Variants in FBH1 observed in about 807,000 individuals in gnomAD.
The protein encoded by FBH1 is DNA 3'-5' helicase 1.
FBH1 carries 43 observed loss-of-function variants against 115.5 expected under a neutral mutation model. The ratio of observed to expected loss-of-function variants is 0.37; its 90% CI spans 0.29 to 0.48. The LOEUF (loss-of-function observed/expected upper bound fraction) is 0.48, where lower values mean the gene tolerates loss of function less well. Ranked by LOEUF, FBH1 falls within the 20% of genes least tolerant of loss-of-function variation. The probability of loss-of-function intolerance (pLI) is 0.99; values close to 1 mark genes in which losing one functional copy is unlikely to be tolerated. For synonymous variants in FBH1, 524 were observed against 507.8 expected (o/e 1.03, Z -0.43); for missense variants, 1,001 against 1,337.3 (o/e 0.75, Z 3.92).
Position 5,900,871 on chromosome 10 carries a change from C to T in FBH1, c.2-2149C>T, listed in dbSNP as rs1437243566. ...CAGCACTTTGGGAGGCCGAGGTGGA[C>T]GGATCACTTGAGGCCAGGAGTTCGA... is the stretch of plus-strand genomic sequence containing the variant. On this transcript the variant is annotated intron_variant, in intron 1 of 20. Transcript: ENST00000362091. The surrounding 1 kb of genome is among the most constrained non-coding windows in gnomAD (Gnocchi z 4.2). 3.9e-5 allele frequency among the ~76,000 whole-genome samples: 6 copies of T among 152,016 alleles called. No individual in the cohort carries two copies. The highest frequency in any genetic ancestry group is 6.6e-5 in the Admixed American group (1 of 15,266).
At position 5,935,781 on chromosome 10, in the gene FBH1, A is replaced by C. The variant is rs189203549; in HGVS notation, c.2830-675A>C. 1.3e-5 allele frequency: 2 copies of C among 152,478 alleles called. No individual in the cohort carries two copies. Among genetic ancestry groups the C allele is most frequent in the East Asian group, 3.9e-4 (2 of 5,188 alleles). 9.4% of individuals were successfully genotyped at this position (152,478 alleles called of 1,614,324 possible). A position where few individuals can be genotyped will look rare whatever the true frequency, so the allele number is the denominator to read the frequency against. On this transcript the variant is annotated intron_variant, in intron 19 of 20. Coordinates refer to ENST00000362091, the MANE Select transcript of FBH1 (RefSeq NM_178150.3). This position sits in a 1 kb window ranked among gnomAD's most constrained non-coding sequence, Gnocchi z 5.2. ...AGCAGATGTGTGCGGTCCTGCTAGC[A>C]TATCAGTCTGTGATGTGGAGCCCCA...
In FBH1 at chr10:5,935,120, T is replaced by C. The variant is rs559205132; in HGVS notation, c.2830-1336T>C. ...GTGAAACTTTTCTTCCATGTGTGTT[T>C]CTTACATATGTGCGTATGTATAGCA... On this transcript the variant is annotated intron_variant, in intron 19 of 20. Transcript: ENST00000362091. This position sits in a 1 kb window ranked among gnomAD's most constrained non-coding sequence, Gnocchi z 5.2. The C allele has an allele frequency of 2.8e-4, 43 of 152,370 alleles. No homozygotes were observed. The highest frequency in any genetic ancestry group is 2.6e-4 in the Admixed American group (4 of 15,306). The allele number at this position is 152,370 out of a possible 1,614,324, so 9.4% of individuals were successfully genotyped here. A position where few individuals can be genotyped will look rare whatever the true frequency, so the allele number is the denominator to read the frequency against.
At chr10:5,898,742 G>A (rs767370656) in intron 1 of FBH1, among the ~76,000 whole-genome samples, 7 of 152,140 alleles carry the variant, frequency 4.6e-5, no homozygotes, top group Non-Finnish European at 2.9e-5. Context: ...GTCACCTTGC[G>A]GGTGAGGATT....
intron 1 of FBH1, chr10:5,894,446 AG>A: frequency 6.4e-7 from 1 of 1,553,576 alleles, no homozygotes. Flanking sequence ...GCACTGGACT[AG>A]GGGAGTCAGG....
rs756827136 is a variant in FBH1 at position 5,924,818 on chromosome 10, G to C, written c.2596+310G>C. On this transcript the variant is annotated intron_variant, in intron 17 of 20. Coordinates refer to ENST00000362091, the MANE Select transcript of FBH1 (RefSeq NM_178150.3). This position sits in a 1 kb window ranked among gnomAD's most constrained non-coding sequence, Gnocchi z 6.2. ...CAACCTCAGGTAATCTGCCCACCTCGACCTCCCAAAGTGCTAGAATTACAG... is the reference window on the plus strand; with the variant it reads ...CAACCTCAGGTAATCTGCCCACCTCCACCTCCCAAAGTGCTAGAATTACAG... 2.1e-6 allele frequency: 1 copy of C among 473,612 alleles called. No homozygotes were observed. The highest frequency in any genetic ancestry group is 1.6e-5 in the South Asian group (1 of 61,336). 29.3% of individuals were successfully genotyped at this position (473,612 alleles called of 1,614,324 possible).
Position 5,910,799 on chromosome 10 carries a change from G to A in FBH1, c.1021-139G>A, listed in dbSNP as rs923292058. 2 of 675,020 alleles carry A rather than the reference G, an allele frequency of 3.0e-6. No individual in the cohort carries two copies. The highest frequency in any genetic ancestry group is 3.0e-5 in the Admixed American group (1 of 32,812). 41.8% of individuals were successfully genotyped at this position (675,020 alleles called of 1,614,324 possible). ...CTCCCCTGTTTCCCAAATACAACTT[G>A]GAAAGTTTGGATTCAGTCCAGACAG... On this transcript the variant is annotated intron_variant, in intron 5 of 20. Coordinates refer to ENST00000362091, the MANE Select transcript of FBH1 (RefSeq NM_178150.3). This position sits in a 1 kb window ranked among gnomAD's most constrained non-coding sequence, Gnocchi z 4.8.
At chr10:5,927,346 G>A in intron 18 of FBH1, 89 bp from the exon 19 acceptor site, 2 of 892,946 alleles carry the variant, frequency 2.2e-6, no homozygotes, top group East Asian at 2.7e-5. Context: ...GGAATGGGTG[G>A]GGGCTAGTAA....
Position 5,936,420 on chromosome 10 carries a change from T to G in FBH1, c.2830-36T>G. On this transcript the variant is annotated intron_variant, in intron 19 of 20. Coordinates refer to ENST00000362091, the MANE Select transcript of FBH1 (RefSeq NM_178150.3). The surrounding 1 kb of genome is among the most constrained non-coding windows in gnomAD (Gnocchi z 5.6). The stretch of plus-strand genomic sequence containing the variant: ...TTTCCAGTAGACCCTAACGGAGGTG[T>G]CGCCATGACTCTCTTTCTCGCTCTT... 6.2e-7 allele frequency: 1 copy of G among 1,607,424 alleles called. No homozygotes were observed. Among genetic ancestry groups the G allele is most frequent in the South Asian group, 1.1e-5 (1 of 90,718 alleles).
At chr10:5,891,644 C>T (rs1842736368) in intron 1 of FBH1, among the ~76,000 whole-genome samples, 2 of 152,212 alleles carry the variant, frequency 1.3e-5, no homozygotes, top group Non-Finnish European at 1.5e-5. Context: ...GAGTCTCGCT[C>T]TGTTGCTCCG....
chr10:5,915,443 G>A lies in FBH1; in HGVS notation c.1437G>A (p.Lys479=). The A allele has an allele frequency of 6.2e-7, 1 of 1,614,232 alleles. No homozygotes were observed. The highest frequency in any genetic ancestry group is 8.5e-7 in the Non-Finnish European group (1 of 1,180,042). ...CAACGCTGGTCAAGTATGCAGAGAA[G>A]TGGTCTCAGAGCAGGTTTCTGTATG... The part of the protein sequence containing the change: ...KTSTLVKYAE[K]WSQSRFLYVT... Residue 479 remains lysine (K), a synonymous_variant, in exon 9 of 21, where the codon AAG becomes AAA. Coordinates refer to ENST00000362091, the MANE Select transcript of FBH1 (RefSeq NM_178150.3). The surrounding 1 kb of genome is among the most constrained non-coding windows in gnomAD (Gnocchi z 5.2).
chr10:5,929,471 G>A (rs140553655), intron 19 of FBH1: 6 of 152,266 alleles, frequency 3.9e-5, no homozygotes, highest in African/African-American at 9.6e-5. Flanking sequence ...GGGCTTCACC[G>A]AGTGCAACAG....
intron 1 of FBH1, among the ~76,000 whole-genome samples, chr10:5,902,214 A>T (rs570661563): frequency 6.6e-6 from 1 of 152,106 alleles, no homozygotes; most frequent in Non-Finnish European, 1.5e-5. Flanking sequence ...GGGCTGAGAC[A>T]TGTGTGCCCT....
At position 5,909,051 on chromosome 10, in the gene FBH1, A is replaced by C. The variant is rs749721567; in HGVS notation, c.880A>C (p.Ile294Leu). 6 of 1,614,064 alleles carry C rather than the reference A, an allele frequency of 3.7e-6. No individual in the cohort carries two copies. Among genetic ancestry groups the C allele is most frequent in the Non-Finnish European group, 5.1e-6 (6 of 1,180,044 alleles). Reference protein sequence around the residue: ...KESDLCVLNLIRYTATTKCSP... With the variant: ...KESDLCVLNLLRYTATTKCSP... Reference sequence around the variant, plus strand: ...GTCAGACCTGTGTGTGCTGAACCTCATACGGTGAGCTTTGCCTGTGCTGTA... The same window carrying C: ...GTCAGACCTGTGTGTGCTGAACCTCCTACGGTGAGCTTTGCCTGTGCTGTA... Residue 294 changes from isoleucine (I) to leucine (L), a missense_variant, in exon 4 of 21, where the codon ATA (isoleucine) becomes CTA (leucine). Transcript: ENST00000362091. This position sits in a 1 kb window ranked among gnomAD's most constrained non-coding sequence, Gnocchi z 4.4.
chr10:5,915,797 C>A lies in FBH1; in HGVS notation c.1565+226C>A. On this transcript the variant is annotated intron_variant, in intron 9 of 20. Transcript: ENST00000362091. The surrounding 1 kb of genome is among the most constrained non-coding windows in gnomAD (Gnocchi z 5.2). ...ATGCCGTCTTGCCAAGAGGGGTGTT[C>A]TCATGGAAGTGAGGCACAGAAAGTC... 1.8e-6 allele frequency: 1 copy of A among 548,038 alleles called. No individual in the cohort carries two copies. The highest frequency in any genetic ancestry group is 3.1e-5 in the East Asian group (1 of 32,300). The allele number at this position is 548,038 out of a possible 1,614,324, so 33.9% of individuals were successfully genotyped here.
Position 5,909,583 on chromosome 10 carries a change from T to C in FBH1, c.1020+289T>C, listed in dbSNP as rs1012384087. On this transcript the variant is annotated intron_variant, in intron 5 of 20. Transcript: ENST00000362091. The surrounding 1 kb of genome is among the most constrained non-coding windows in gnomAD (Gnocchi z 4.4). ...TTCTGAAAAGTGGTCATCTAGCCTC[T>C]GAACACTTTTAATAATAGGATTTCT... The C allele has an allele frequency of 2.7e-6, 1 of 372,950 alleles. No individual in the cohort carries two copies. Among genetic ancestry groups the C allele is most frequent in the Non-Finnish European group, 4.8e-6 (1 of 207,528 alleles). The allele number at this position is 372,950 out of a possible 1,614,324, so 23.1% of individuals were successfully genotyped here. A position where few individuals can be genotyped will look rare whatever the true frequency, so the allele number is the denominator to read the frequency against.
Position 5,936,560 on chromosome 10 carries a change from T to C in FBH1, c.2934T>C (p.Leu978=). ...ATGCCATCCCTGTTGACACCGTCCT[T>C]ACCATGAAGAAGCTGCCCATCACCT... ...CNNAIPVDTV[L]TMKKLPITYS... is the part of the protein sequence containing the mutation. Residue 978 remains leucine, a synonymous_variant, in exon 20 of 21, where the codon CTT becomes CTC. Transcript: ENST00000362091. The surrounding 1 kb of genome is among the most constrained non-coding windows in gnomAD (Gnocchi z 5.6). 1 of 1,614,176 alleles carries C rather than the reference T, an allele frequency of 6.2e-7. No individual in the cohort carries two copies. The highest frequency in any genetic ancestry group is 8.5e-7 in the Non-Finnish European group (1 of 1,179,986).
Position 5,906,089 on chromosome 10 carries a change from G to A in FBH1, c.210G>A (p.Pro70=), listed in dbSNP as rs149097838. Residue 70 remains proline (P), a synonymous_variant, in exon 3 of 21, where the codon CCG becomes CCA. Transcript: ENST00000362091. The surrounding 1 kb of genome is among the most constrained non-coding windows in gnomAD (Gnocchi z 7.3). The part of the protein sequence containing the change: ...IPEFFLAGKQ[P]CTNDMAKSNS... Reference sequence around the variant, plus strand: ...AGTTCTTCCTAGCAGGCAAGCAGCCGTGCACCAATGACATGGCCAAAAGCA... The same window carrying A: ...AGTTCTTCCTAGCAGGCAAGCAGCCATGCACCAATGACATGGCCAAAAGCA... 33 of 1,613,986 alleles carry A rather than the reference G, an allele frequency of 2.0e-5. No homozygotes were observed. The highest frequency in any genetic ancestry group is 1.0e-4 in the Admixed American group (6 of 60,014).
At position 5,918,615 on chromosome 10, in the gene FBH1, T is replaced by G; in HGVS notation, c.2100+137T>G. The G allele has an allele frequency of 8.6e-7, 1 of 1,161,570 alleles. No homozygotes were observed. Among genetic ancestry groups the G allele is most frequent in the Non-Finnish European group, 1.2e-6 (1 of 867,390 alleles). 72.0% of individuals were successfully genotyped at this position (1,161,570 alleles called of 1,614,324 possible). A position where few individuals can be genotyped will look rare whatever the true frequency, so the allele number is the denominator to read the frequency against. On this transcript the variant is annotated intron_variant, in intron 13 of 20. Transcript: ENST00000362091. The surrounding 1 kb of genome is among the most constrained non-coding windows in gnomAD (Gnocchi z 4.0). ...CTAAGCCATGGTTCTCAAAGTGTGG[T>G]TCTCAGGGGTCTGCCAAGTCACACT...
chr10:5,928,893 C>T (rs74116616), intron 19 of FBH1, among the ~76,000 whole-genome samples: 1,918 of 152,208 alleles, frequency 0.013, 31 homozygotes, highest in African/African-American at 0.036. Context: ...GTCTCCAGAA[C>T]AAAGATTGTG....
Sources: gnomAD v4.1 joint callset for allele counts (sites outside exome capture counted in the v4.1 genomes callset) on GRCh38, gnomAD v4.1.1 for gene constraint, Gnocchi (gnomAD v3.1) non-coding constraint, MANE v1.5 for transcripts, NCBI Gene and HGNC (gene_info 2026-07-23, HGNC 2026-07-21) for gene names.